SLC41A3: variants seen among roughly 807,000 people sequenced by gnomAD.
The protein encoded by SLC41A3 is solute carrier family 41 member 3.
Under a neutral mutation model 45.4 loss-of-function variants are expected in SLC41A3, and 44 were observed. The observed-to-expected ratio is 0.97, with a 90% CI of 0.76 to 1.25. The LOEUF is 1.25. Ranked by LOEUF, SLC41A3 falls within the 50% of genes most tolerant of loss-of-function variation. The pLI is 0.00. For synonymous variants in SLC41A3, 256 were observed against 252.4 expected, an observed-to-expected ratio of 1.01 and a Z score of -0.13; for missense variants, 550 against 600.6, an observed-to-expected ratio of 0.92 and a Z score of 0.88.
chr3:126,028,548 C>T (rs1941550716), intron 4 of SLC41A3, among the ~76,000 whole-genome samples: 1 of 152,276 alleles, frequency 6.6e-6, no homozygotes, highest in South Asian at 2.1e-4. Flanking sequence ...GGGCACAGCC[C>T]TCATGGAGAC....
intron 2 of SLC41A3, chr3:126,056,727 G>A (rs1314416923): frequency 3.4e-5 from 48 of 1,430,820 alleles, no homozygotes; most frequent in Non-Finnish European, 4.2e-5. Context: ...CCTCGGCTGA[G>A]GGCCAGCACA....
chr3:126,033,567 G>A (rs1399993485), intron 4 of SLC41A3, 40 bp downstream of exon 4: 17 of 1,600,018 alleles, frequency 1.1e-5, no homozygotes, highest in Non-Finnish European at 1.4e-5. Context: ...AAGCCTGGCT[G>A]CAGATTCAGA....
At chr3:126,077,760 C>T (rs1167048723) in intron 1 of SLC41A3, among the ~76,000 whole-genome samples, 1 of 152,218 alleles carries the variant, frequency 6.6e-6, no homozygotes, top group African/African-American at 2.4e-5. Flanking sequence ...CCACACTGTG[C>T]CTTGCAGCAG....
chr3:126,031,255 T>C (rs1472001493), intron 4 of SLC41A3, among the ~76,000 whole-genome samples: 1 of 152,274 alleles, frequency 6.6e-6, no homozygotes, highest in Admixed American at 6.5e-5. Flanking sequence ...AATTATTTAA[T>C]ACTAAGAAAT....
intron 3 of SLC41A3, among the ~76,000 whole-genome samples, chr3:126,042,414 G>A (rs1317323740): frequency 6.6e-6 from 1 of 151,956 alleles, no homozygotes; most frequent in Non-Finnish European, 1.5e-5. Flanking sequence ...AGACTAATTG[G>A]TGAAGATTTT....
chr3:126,049,306 G>A (rs1354357168), intron 3 of SLC41A3, among the ~76,000 whole-genome samples: 1 of 152,100 alleles, frequency 6.6e-6, no homozygotes, highest in Non-Finnish European at 1.5e-5. Context: ...GACCAACATG[G>A]TATAACCCTG....
chr3:126,066,172 G>A (rs1274429639), intron 2 of SLC41A3, among the ~76,000 whole-genome samples: 1 of 152,232 alleles, frequency 6.6e-6, no homozygotes, highest in South Asian at 2.1e-4. Context: ...GTACCCTGAT[G>A]AGGCAGGCAC....
intron 6 of SLC41A3, 56 bp from the exon 7 acceptor site, chr3:126,016,931 G>T: frequency 6.3e-7 from 1 of 1,590,212 alleles, no homozygotes. Flanking sequence ...GCACACACAG[G>T]CTGGGCCTGG....
At chr3:126,025,548 C>G (rs1218464878) in intron 5 of SLC41A3, 1 of 152,070 alleles carries the variant, frequency 6.6e-6, no homozygotes. Context: ...CCCCCTAACC[C>G]ACATGTTGAA....
chr3:126,063,393 G>A (rs12488180), intron 2 of SLC41A3, among the ~76,000 whole-genome samples: 26,185 of 151,944 alleles, frequency 0.17, 2,386 homozygotes, highest in Middle Eastern at 0.26. Context: ...GTGCTGCCGT[G>A]TAATATGCAA....
chr3:126,056,158 C>T (rs1230375157), intron 2 of SLC41A3, among the ~76,000 whole-genome samples: 2 of 152,170 alleles, frequency 1.3e-5, no homozygotes, highest in Non-Finnish European at 2.9e-5. Flanking sequence ...TTCTGCGAAT[C>T]TCTAATGCTG....
chr3:126,073,874 G>C (rs1017328115), intron 1 of SLC41A3, among the ~76,000 whole-genome samples: 1 of 152,100 alleles, frequency 6.6e-6, no homozygotes, highest in Non-Finnish European at 1.5e-5. Flanking sequence ...TATGAGACCA[G>C]TGTAAAGACA....
intron 2 of SLC41A3, among the ~76,000 whole-genome samples, chr3:126,066,993 G>C (rs1359706726): frequency 6.6e-6 from 1 of 151,842 alleles, no homozygotes; most frequent in Non-Finnish European, 1.5e-5. Context: ...CAGACTCAGA[G>C]CACAGCCCCT....
intron 8 of SLC41A3, among the ~76,000 whole-genome samples, chr3:126,014,206 G>A (rs1940028470): frequency 6.6e-6 from 1 of 152,060 alleles, no homozygotes; most frequent in Admixed American, 6.5e-5. Context: ...GCAAACAATT[G>A]TCTTCAGGCA....
At chr3:126,085,114 A>G (rs1025827353), upstream of SLC41A3, among the ~76,000 whole-genome samples, 5 of 152,298 alleles carry the variant, frequency 3.3e-5, no homozygotes, top group Admixed American at 3.3e-4. Context: ...CAACCAGAAA[A>G]TGTTTAAGTT....
Position 126,008,747 on chromosome 3 carries a change from C to T in SLC41A3, c.1239G>A (p.Leu413=). The change falls in exon 10 of 11, where the codon CTG becomes CTA. Residue 413 remains leucine, a synonymous_variant. Transcript: ENST00000360370. ...CCAGGCTTACCTGGATCAGGCCTGC[C>T]AGCAGGTAGAGCACCACAAAGGTCT... The part of the protein sequence containing the change: ...NSQTFVVLYL[L]AGLIQVTILL... 6.2e-7 allele frequency: 1 copy of T among 1,613,996 alleles called. No homozygotes were observed. Among genetic ancestry groups the T allele is most frequent in the Non-Finnish European group, 8.5e-7 (1 of 1,179,884 alleles).
At chr3:126,022,727 C>A in intron 6 of SLC41A3, 59 bp downstream of exon 6, 1 of 1,601,520 alleles carries the variant, frequency 6.2e-7, no homozygotes, top group Non-Finnish European at 8.5e-7. Flanking sequence ...CAGTGGTGAC[C>A]TGCTCCAGGG....
rs577835960 is a variant in SLC41A3 at position 126,036,729 on chromosome 3, A to G, written c.382-3051T>C. 7.2e-5 allele frequency among the ~76,000 whole-genome samples: 11 copies of G among 152,296 alleles called. No homozygotes were observed. In the East Asian group the frequency reaches 1.7e-3, roughly 24 times the overall value. On this transcript the variant is annotated intron_variant, in intron 3 of 10. Coordinates refer to ENST00000360370, the MANE Select transcript of SLC41A3 (RefSeq NM_017836.4). Reference sequence around the variant, plus strand: ...CAATGACTCATCCCTTCAGAAGGATATTTAGCTCACTCACATAATTTGTCA... The same window carrying G: ...CAATGACTCATCCCTTCAGAAGGATGTTTAGCTCACTCACATAATTTGTCA...
At chr3:126,084,488 C>T (rs1299455995), upstream of SLC41A3, 2 of 152,248 alleles carry the variant, frequency 1.3e-5, no homozygotes, top group Non-Finnish European at 2.9e-5. Flanking sequence ...AGCCAACTTC[C>T]CTTGGGACCC....
Sources: allele counts gnomAD v4.1 joint callset (sites outside exome capture counted in the v4.1 genomes callset), GRCh38; gene constraint gnomAD v4.1.1; transcripts MANE v1.5; gene names NCBI Gene and HGNC (gene_info 2026-07-23, HGNC 2026-07-21).